The following ZNF512 variants were observed in gnomAD, a reference collection of about 807,000 sequenced individuals.
The protein encoded by ZNF512 is zinc finger protein 512.
Under a neutral mutation model 77.5 loss-of-function variants are expected in ZNF512, and 25 were observed. The ratio of observed to expected loss-of-function variants is 0.32; its 90% CI spans 0.23 to 0.45. The LOEUF (loss-of-function observed/expected upper bound fraction) is 0.45, where lower values mean the gene tolerates loss of function less well. Ranked by LOEUF, ZNF512 falls within the 20% of genes least tolerant of loss-of-function variation. The probability of loss-of-function intolerance (pLI) is 1.00; values close to 1 mark genes in which losing one functional copy is unlikely to be tolerated. For missense variants in ZNF512, 483 were observed against 692.6 expected, an observed-to-expected ratio of 0.70 and a Z score of 3.40; for synonymous variants, 246 against 239.9, an observed-to-expected ratio of 1.03 and a Z score of -0.24.
rs1463126226 is a variant in ZNF512 at position 27,616,253 on chromosome 2, CT to C, written c.1234-5del. On this transcript the variant is annotated splice_polypyrimidine_tract_variant and splice_region_variant and intron_variant, in intron 11 of 13. Transcript: ENST00000355467. Reference sequence around the variant, plus strand: ...GCATAGTCTTCATACTATTTCTTCTCTTTTGCAGGGCTGTGAGGCTGTCTAC... The same window carrying C: ...GCATAGTCTTCATACTATTTCTTCTCTTTGCAGGGCTGTGAGGCTGTCTAC... 3 of 1,612,526 alleles carry C rather than the reference CT, an allele frequency of 1.9e-6. No homozygotes were observed. The highest frequency in any genetic ancestry group is 2.2e-5 in the East Asian group (1 of 44,870).
At chr2:27,602,358 C>T (rs1261444947) in intron 7 of ZNF512, 105 bp from the exon 8 acceptor site, 13 of 1,113,158 alleles carry the variant, frequency 1.2e-5, no homozygotes, top group Non-Finnish European at 1.6e-5. Context: ...TCATTGGCAC[C>T]AGCTTAGCTG....
In ZNF512 at chr2:27,603,191, A is replaced by G; in HGVS notation, c.820A>G (p.Lys274Glu). The stretch of plus-strand genomic sequence containing the variant: ...CATGGGATATCTCTACCATGTCAGA[A>G]AATGTGGCAAAGGGGCTGCAGAGCT... Reference protein sequence around the residue: ...SIMGYLYHVRKCGKGAAELEK... With the variant: ...SIMGYLYHVRECGKGAAELEK... The change falls in exon 9 of 14, where the codon AAA becomes GAA. Residue 274 changes from lysine (K) to glutamate (E), a missense_variant. By Grantham distance (56) the Lys-to-Glu change is moderately conservative. Around this residue, in one of 2 missense-constraint regions of ZNF512, gnomAD observed 324 missense variants for 525.0 expected, o/e 0.62. Transcript: ENST00000355467. The G allele has an allele frequency of 6.2e-7, 1 of 1,614,194 alleles. No individual in the cohort carries two copies. Among genetic ancestry groups the G allele is most frequent in the Non-Finnish European group, 8.5e-7 (1 of 1,180,030 alleles).
rs777388466 is a variant in ZNF512 at position 27,602,572 on chromosome 2, A to G, written c.768+11A>G. The G allele has an allele frequency of 4.4e-6, 7 of 1,600,220 alleles. No individual in the cohort carries two copies. The highest frequency in any genetic ancestry group is 2.2e-5 in the East Asian group (1 of 44,796). On this transcript the variant is annotated intron_variant, in intron 8 of 13. Transcript: ENST00000355467. ...AGGTGCATGCGTGAGGTAAGGGCCC[A>G]AGGACAGCAATTCCTTCTGCCTGAA...
intron 2 of ZNF512, among the ~76,000 whole-genome samples, chr2:27,587,353 C>T (rs1405585010): frequency 2.0e-5 from 3 of 150,606 alleles, no homozygotes; most frequent in South Asian, 2.1e-4. Context: ...CCTGGCTCAC[C>T]GAACCCTTTG....
At chr2:27,617,635 ATTG>A in intron 13 of ZNF512, 64 bp downstream of exon 13, 1 of 776,450 alleles carries the variant, frequency 1.3e-6, no homozygotes, top group Non-Finnish European at 2.4e-6. Flanking sequence ...CTTTGTCCCT[ATTG>A]TTATGGACTA....
chr2:27,592,397 C>A (rs2148007504), intron 2 of ZNF512, among the ~76,000 whole-genome samples: 1 of 151,830 alleles, frequency 6.6e-6, no homozygotes, highest in East Asian at 1.9e-4. Context: ...CTCACTGCAT[C>A]CTCCACCTCC....
intron 2 of ZNF512, among the ~76,000 whole-genome samples, chr2:27,596,430 C>G (rs1296770803): frequency 6.6e-6 from 1 of 152,164 alleles, no homozygotes; most frequent in Non-Finnish European, 1.5e-5. Context: ...TCCTCCCACC[C>G]CCAGTCCCCC....
chr2:27,584,573 ATAAG>A (rs1394392871), intron 2 of ZNF512, among the ~76,000 whole-genome samples: 2 of 152,232 alleles, frequency 1.3e-5, no homozygotes, highest in Non-Finnish European at 2.9e-5. Context: ...GTTCATTGTA[ATAAG>A]TAAGTATTTT....
chr2:27,605,531 A>G (rs987449537), intron 9 of ZNF512, among the ~76,000 whole-genome samples: 2 of 151,256 alleles, frequency 1.3e-5, no homozygotes, highest in African/African-American at 4.8e-5. Context: ...GCTGGAGTGC[A>G]GTGGCGCCAC....
intron 2 of ZNF512, among the ~76,000 whole-genome samples, chr2:27,585,899 A>G (rs1332548306): frequency 6.6e-6 from 1 of 152,148 alleles, no homozygotes; most frequent in East Asian, 1.9e-4. Flanking sequence ...GGTTTTTTTT[A>G]CAAATAATCA....
intron 10 of ZNF512, among the ~76,000 whole-genome samples, chr2:27,611,577 T>G (rs4665999): frequency 1.3e-5 from 2 of 152,064 alleles, no homozygotes; most frequent in Non-Finnish European, 2.9e-5. Context: ...GGCAAAACTA[T>G]AATCTTCCCA....
chr2:27,607,818 G>C, intron 9 of ZNF512, 27 bp from the exon 10 acceptor site: 1 of 1,612,456 alleles, frequency 6.2e-7, no homozygotes, highest in Non-Finnish European at 8.5e-7. Context: ...TATCAGGCCT[G>C]TGTTTTGCTG....
intron 10 of ZNF512, among the ~76,000 whole-genome samples, chr2:27,612,882 A>C (rs1672725695): frequency 6.6e-6 from 1 of 152,064 alleles, no homozygotes; most frequent in Non-Finnish European, 1.5e-5. Context: ...ATTTTTATTA[A>C]GTTTTGGGTT....
chr2:27,604,499 G>A lies in ZNF512; in HGVS notation c.936+1192G>A, dbSNP rs560545838. Among the ~76,000 whole-genome samples the A allele has an allele frequency of 3.9e-5, 6 of 152,276 alleles. No individual in the cohort carries two copies. The East Asian group carries it at 1.2e-3, about 29-fold the overall frequency. On this transcript the variant is annotated intron_variant, in intron 9 of 13. Transcript: ENST00000355467. Reference sequence around the variant, plus strand: ...ACTATCACACTCAACACATAGACTAGGCGGGGTGCCTTAGCTCACACCTGT... The same window carrying A: ...ACTATCACACTCAACACATAGACTAAGCGGGGTGCCTTAGCTCACACCTGT...
At chr2:27,591,359 A>G (rs1671571917) in intron 2 of ZNF512, among the ~76,000 whole-genome samples, 2 of 152,214 alleles carry the variant, frequency 1.3e-5, no homozygotes, top group Admixed American at 1.3e-4. Context: ...TTTGTGTTAT[A>G]GACAATCCAA....
Position 27,615,287 on chromosome 2 carries a change from A to G in ZNF512, c.1233+18A>G, listed in dbSNP as rs1672840140. ...CTAACCAGGTGGTTCTTTCTCATTC[A>G]TTTATTCAGTAAATGTTTATCAAGC... is the stretch of plus-strand genomic sequence containing the variant. On this transcript the variant is annotated intron_variant, in intron 11 of 13. Coordinates refer to ENST00000355467, the MANE Select transcript of ZNF512 (RefSeq NM_032434.4). 6.7e-7 allele frequency: 1 copy of G among 1,491,060 alleles called. No homozygotes were observed. The highest frequency in any genetic ancestry group is 9.2e-7 in the Non-Finnish European group (1 of 1,089,794). 92.4% of individuals were successfully genotyped at this position (1,491,060 alleles called of 1,614,324 possible).
At chr2:27,616,159 G>A (rs1188271617) in intron 11 of ZNF512, 103 bp from the exon 12 acceptor site, 2 of 769,570 alleles carry the variant, frequency 2.6e-6, no homozygotes, top group Admixed American at 2.7e-5. Flanking sequence ...CAAATTATTG[G>A]TTTTCTTCCT....
At chr2:27,606,750 G>C (rs1266359884) in intron 9 of ZNF512, among the ~76,000 whole-genome samples, 1 of 152,064 alleles carries the variant, frequency 6.6e-6, no homozygotes, top group Non-Finnish European at 1.5e-5. Context: ...AGTTCTTTAG[G>C]TCAGAAATCC....
At chr2:27,591,789 T>G (rs1167681008) in intron 2 of ZNF512, among the ~76,000 whole-genome samples, 2 of 152,166 alleles carry the variant, frequency 1.3e-5, no homozygotes, top group Admixed American at 6.5e-5. Context: ...TCCCCCTGCC[T>G]TGGCCTCCCA....
Sources: allele counts gnomAD v4.1 joint callset (sites outside exome capture counted in the v4.1 genomes callset), GRCh38; gene constraint gnomAD v4.1.1; regional missense constraint gnomAD v4.1.1; transcripts MANE v1.5; gene names NCBI Gene and HGNC (gene_info 2026-07-23, HGNC 2026-07-21).